Variants in PTPN1 observed in about 807,000 individuals in gnomAD.
PTPN1 encodes the protein protein tyrosine phosphatase non-receptor type 1.
A neutral mutation model predicts 59.9 loss-of-function variants in PTPN1; 12 were observed. The observed-to-expected ratio is 0.20, with a 90% confidence interval of 0.13 to 0.32. The LOEUF (loss-of-function observed/expected upper bound fraction) is 0.32. PTPN1 is among the 10% of genes least tolerant of loss of function. The probability of loss-of-function intolerance (pLI) is 1.00; values close to 1 mark genes in which losing one functional copy is unlikely to be tolerated. For synonymous variants in PTPN1, 178 were observed against 203.6 expected, an observed-to-expected ratio of 0.87 and a Z score of 1.07; for missense variants, 356 against 549.2, an observed-to-expected ratio of 0.65 and a Z score of 3.52.
At chr20:50,579,554 C>A in intron 7 of PTPN1, 149 bp from the exon 8 acceptor site, 1 of 902,406 alleles carries the variant, frequency 1.1e-6, no homozygotes, top group Non-Finnish European at 1.7e-6. Flanking sequence ...ACTTTATTTT[C>A]AAAAGATTTC....
intron 1 of PTPN1, among the ~76,000 whole-genome samples, chr20:50,548,799 C>A (rs569298116): frequency 5.3e-4 from 80 of 152,298 alleles, no homozygotes; most frequent in African/African-American, 1.9e-3. Context: ...CTCACTGCAA[C>A]CTCTGCCTCC....
chr20:50,578,382 A>G, intron 5 of PTPN1, 38 bp from the exon 6 acceptor site: 1 of 1,540,264 alleles, frequency 6.5e-7, no homozygotes, highest in Non-Finnish European at 9.0e-7. Flanking sequence ...TGTACAGATG[A>G]TTCTTTTAGA....
intron 1 of PTPN1, among the ~76,000 whole-genome samples, chr20:50,528,355 C>T (rs761724658): frequency 2.0e-5 from 3 of 152,066 alleles, no homozygotes; most frequent in South Asian, 2.1e-4. Context: ...TTATAAAGGG[C>T]GGGGCTGCTT....
chr20:50,574,654 A>G lies in PTPN1; in HGVS notation c.492A>G (p.Thr164=), dbSNP rs35414863. The G allele has an allele frequency of 5.0e-3, 8,080 of 1,604,760 alleles. 248 individuals are homozygous for G. In the African/African-American group the frequency reaches 0.077, roughly 15 times the overall value. The change falls in exon 5 of 10, where the codon ACA becomes ACG. Residue 164 remains threonine, a splice_region_variant and synonymous_variant. Coordinates refer to ENST00000371621, the MANE Select transcript of PTPN1 (RefSeq NM_002827.4). ...TVRQLELENL[T]TQETREILHF... ...GACAGCTAGAATTGGAAAACCTTAC[A>G]GTGAGTATAGCACACACTTCAGCAC...
intron 1 of PTPN1, among the ~76,000 whole-genome samples, chr20:50,544,376 G>A (rs924860840): frequency 1.1e-4 from 16 of 150,782 alleles, no homozygotes; most frequent in Non-Finnish European, 1.9e-4. Context: ...GGCTGGTCTC[G>A]AACTCCTGGG....
At chr20:50,579,602 G>A (rs1229430215) in intron 7 of PTPN1, 101 bp from the exon 8 acceptor site, 1 of 1,086,160 alleles carries the variant, frequency 9.2e-7, no homozygotes, top group Non-Finnish European at 1.4e-6. Context: ...GAGAGGCCGA[G>A]AGCCCCTCGC....
intron 1 of PTPN1, among the ~76,000 whole-genome samples, chr20:50,540,859 G>A (rs2082648947): frequency 6.6e-6 from 1 of 152,190 alleles, no homozygotes; most frequent in Non-Finnish European, 1.5e-5. Context: ...GTTGTGTCTT[G>A]ATTGGGTCCT....
intron 1 of PTPN1, among the ~76,000 whole-genome samples, chr20:50,560,118 C>T (rs549442492): frequency 7.2e-5 from 11 of 152,000 alleles, no homozygotes; most frequent in Non-Finnish European, 1.5e-4. Flanking sequence ...TGCCTCCTAC[C>T]TGGAGGAGAA....
At chr20:50,553,446 A>T (rs994114773) in intron 1 of PTPN1, among the ~76,000 whole-genome samples, 7 of 152,204 alleles carry the variant, frequency 4.6e-5, no homozygotes, top group Admixed American at 4.6e-4. Flanking sequence ...GTCTGGCTGG[A>T]TACAGTGTAC....
At chr20:50,581,185 A>G in intron 8 of PTPN1, 80 bp from the exon 9 acceptor site, 6 of 1,502,720 alleles carry the variant, frequency 4.0e-6, no homozygotes, top group Non-Finnish European at 5.4e-6. Context: ...TTTTTCCTAG[A>G]ATTCCTGCCA....
chr20:50,510,701 A>G, intron 1 of PTPN1, 111 bp downstream of exon 1: 1 of 1,147,770 alleles, frequency 8.7e-7, no homozygotes, highest in Non-Finnish European at 1.2e-6. Flanking sequence ...CCTCGCTCCT[A>G]CTGCTTGAGG....
intron 1 of PTPN1, among the ~76,000 whole-genome samples, chr20:50,553,605 G>T (rs945243785): frequency 6.6e-6 from 1 of 152,142 alleles, no homozygotes; most frequent in Non-Finnish European, 1.5e-5. Context: ...ACATTCAACC[G>T]AAAACCATCA....
intron 4 of PTPN1, among the ~76,000 whole-genome samples, chr20:50,570,055 T>G (rs1370475576): frequency 1.3e-5 from 2 of 152,176 alleles, no homozygotes; most frequent in Non-Finnish European, 2.9e-5. Context: ...CCTGGTTGCC[T>G]CCGGCCACAG....
rs187384851 is a variant in PTPN1 at position 50,545,865 on chromosome 20, A to C, written c.64-15498A>C. Among the ~76,000 whole-genome samples, 20 of 150,630 alleles carry C rather than the reference A, an allele frequency of 1.3e-4. No homozygotes were observed. The East Asian group carries it at 3.8e-3, about 29-fold the overall frequency. ...ACCCCCCCTCCCCCCGTCTCTACAA[A>C]AAAATAGAAACAATGAGCCAGGCAT... On this transcript the variant is annotated intron_variant, in intron 1 of 9. Coordinates refer to ENST00000371621, the MANE Select transcript of PTPN1 (RefSeq NM_002827.4).
intron 1 of PTPN1, among the ~76,000 whole-genome samples, chr20:50,532,260 T>C (rs2082604715): frequency 6.6e-6 from 1 of 152,214 alleles, no homozygotes; most frequent in Non-Finnish European, 1.5e-5. Context: ...ATCGAGAGGC[T>C]TTGGGTAAAA....
At chr20:50,546,176 C>T (rs994799357) in intron 1 of PTPN1, among the ~76,000 whole-genome samples, 7 of 152,204 alleles carry the variant, frequency 4.6e-5, no homozygotes, top group Non-Finnish European at 7.4e-5. Flanking sequence ...GACTGTCTTC[C>T]CCCCTGAAGC....
chr20:50,526,693 T>A (rs1568776011), intron 1 of PTPN1, among the ~76,000 whole-genome samples: 1 of 152,168 alleles, frequency 6.6e-6, no homozygotes, highest in Admixed American at 6.5e-5. Flanking sequence ...TTGGGTTTTC[T>A]CCTTTATTCA....
At chr20:50,545,240 G>A (rs1183880001) in intron 1 of PTPN1, among the ~76,000 whole-genome samples, 1 of 152,100 alleles carries the variant, frequency 6.6e-6, no homozygotes, top group Non-Finnish European at 1.5e-5. Context: ...ACAGGCATCA[G>A]CCACTGCACC....
At position 50,533,782 on chromosome 20, in the gene PTPN1, A is replaced by AG. The variant is rs1259294833; in HGVS notation, c.63+23194dup. Among the ~76,000 whole-genome samples, 14 of 152,158 alleles carry AG rather than the reference A, an allele frequency of 9.2e-5. No individual in the cohort carries two copies. The East Asian group carries it at 2.7e-3, about 29-fold the overall frequency. ...AAGAAGATAGGTCAGGTGAGGCTGG[A>AG]GGTGGAACAGGGCTGCTCGCTAGAA... On this transcript the variant is annotated intron_variant, in intron 1 of 9. Coordinates refer to ENST00000371621, the MANE Select transcript of PTPN1 (RefSeq NM_002827.4).
Sources: gnomAD v4.1 joint callset for allele counts (sites outside exome capture counted in the v4.1 genomes callset) on GRCh38, gnomAD v4.1.1 for gene constraint, MANE v1.5 for transcripts, NCBI Gene and HGNC (gene_info 2026-07-23, HGNC 2026-07-21) for gene names.